SEC16B: variants seen among roughly 807,000 people sequenced by gnomAD.
SEC16B encodes the protein SEC16 homolog B, endoplasmic reticulum export factor, also known as protein transport protein Sec16B.
A neutral mutation model predicts 141.8 loss-of-function variants in SEC16B; 115 were observed. The observed-to-expected ratio is 0.81, with a 90% confidence interval of 0.70 to 0.95. The LOEUF (loss-of-function observed/expected upper bound fraction) is 0.95, where lower values mean the gene tolerates loss of function less well. Ranked by LOEUF, SEC16B falls within the 40% of genes least tolerant of loss-of-function variation. The probability of loss-of-function intolerance (pLI) is 0.00; values close to 1 mark genes in which losing one functional copy is unlikely to be tolerated. For missense variants in SEC16B, 1,291 were observed against 1,312.3 expected (o/e 0.98, Z 0.25); for synonymous variants, 493 against 492.5 (o/e 1.00, Z -0.01).
chr1:177,980,503 G>C (rs1654362392), intron 1 of SEC16B, among the ~76,000 whole-genome samples: 1 of 152,068 alleles, frequency 6.6e-6, no homozygotes, highest in Non-Finnish European at 1.5e-5. Flanking sequence ...AAACAGGTGG[G>C]AACCCAGGAG....
At chr1:177,937,969 A>T (rs920978599) in intron 18 of SEC16B, among the ~76,000 whole-genome samples, 1 of 152,144 alleles carries the variant, frequency 6.6e-6, no homozygotes, top group African/African-American at 2.4e-5. Flanking sequence ...ATAAGATACC[A>T]AACTATACAC....
chr1:177,948,676 A>G, intron 12 of SEC16B: 1 of 1,264,974 alleles, frequency 7.9e-7, no homozygotes, highest in Non-Finnish European at 1.0e-6. Context: ...GAAAATATCA[A>G]TAAAGAAACA....
chr1:177,929,941 G>A lies in SEC16B; in HGVS notation c.3112-12C>T. On this transcript the variant is annotated splice_polypyrimidine_tract_variant and intron_variant, in intron 25 of 25. Transcript: ENST00000308284. ...GTGGCCGTGGGCAGCTGGAAAAGAA[G>A]AACAAATATTACACTGAGTACAGCC... 6.2e-7 allele frequency: 1 copy of A among 1,613,256 alleles called. No individual in the cohort carries two copies. The highest frequency in any genetic ancestry group is 8.5e-7 in the Non-Finnish European group (1 of 1,179,598).
chr1:177,932,505 G>C lies in SEC16B; in HGVS notation c.2997C>G (p.Gly999=), dbSNP rs761617558. The change falls in exon 24 of 26, where the codon GGC becomes GGG. Residue 999 remains glycine (G), a synonymous_variant. Transcript: ENST00000308284. ...GGAAAGAGVG[G]LSGPESVSFE... is the part of the protein sequence containing the mutation. Reference sequence around the variant, plus strand: ...GGCCGCTTACCTCTGGTCCAGACAAGCCTCCAACCCCAGCGCCCGCAGCTG... The same window carrying C: ...GGCCGCTTACCTCTGGTCCAGACAACCCTCCAACCCCAGCGCCCGCAGCTG... 1 of 1,547,594 alleles carries C rather than the reference G, an allele frequency of 6.5e-7. No individual in the cohort carries two copies. Among genetic ancestry groups the C allele is most frequent in the Non-Finnish European group, 8.7e-7 (1 of 1,145,766 alleles).
intron 5 of SEC16B, among the ~76,000 whole-genome samples, chr1:177,962,247 T>C (rs1468357755): frequency 6.6e-6 from 1 of 151,956 alleles, no homozygotes; most frequent in Non-Finnish European, 1.5e-5. Flanking sequence ...GATTTTTGTA[T>C]TTTTAGTAGA....
chr1:177,933,995 C>CCA (rs1553231395), intron 20 of SEC16B, among the ~76,000 whole-genome samples: 6 of 144,594 alleles, frequency 4.1e-5, no homozygotes, highest in Non-Finnish European at 7.6e-5. Flanking sequence ...AAGCTCCCCC[C>CCA]AAAAAAAAAA....
At chr1:177,961,490 G>A in intron 6 of SEC16B, 100 bp downstream of exon 6, 1 of 1,315,430 alleles carries the variant, frequency 7.6e-7, no homozygotes, top group Non-Finnish European at 1.0e-6. Flanking sequence ...AGCAAATGAG[G>A]TGGACAATGA....
At position 177,932,768 on chromosome 1, in the gene SEC16B, C is replaced by T. The variant is rs373025396; in HGVS notation, c.2862G>A (p.Leu954=). 10 of 1,612,652 alleles carry T rather than the reference C, an allele frequency of 6.2e-6. No individual in the cohort carries two copies. The highest frequency in any genetic ancestry group is 8.5e-6 in the Non-Finnish European group (10 of 1,179,542). The change falls in exon 23 of 26, where the codon CTG becomes CTA. Residue 954 remains leucine (L), a synonymous_variant. Coordinates refer to ENST00000308284, the MANE Select transcript of SEC16B (RefSeq NM_033127.4). The part of the protein sequence containing the change: ...PRASSPHQAG[L]GLSLTPSPES... The stretch of plus-strand genomic sequence containing the variant: ...CAGGGGAAGGTGTCAGTGAGAGGCC[C>T]AGGCCAGCCTGGTGGGGAGAAGATG...
At chr1:177,965,220 G>C in intron 3 of SEC16B, 53 bp from the exon 4 acceptor site, 1 of 1,600,154 alleles carries the variant, frequency 6.2e-7, no homozygotes, top group Non-Finnish European at 8.5e-7. Flanking sequence ...GTTTCTGAAA[G>C]TTCTTAGAAA....
Position 177,930,537 on chromosome 1 carries a change from T to C in SEC16B, c.3111+8A>G. On this transcript the variant is annotated splice_region_variant and intron_variant, in intron 25 of 25. Transcript: ENST00000308284. Reference sequence around the variant, plus strand: ...CTGGCCAGCCCCTCCCCCTGAGGGCTTCCTTACCTGAGGCACCTGAGATGG... The same window carrying C: ...CTGGCCAGCCCCTCCCCCTGAGGGCCTCCTTACCTGAGGCACCTGAGATGG... The C allele has an allele frequency of 6.2e-7, 1 of 1,610,004 alleles. No homozygotes were observed. The highest frequency in any genetic ancestry group is 8.5e-7 in the Non-Finnish European group (1 of 1,176,818).
At chr1:177,950,286 G>A (rs1053069727) in intron 12 of SEC16B, among the ~76,000 whole-genome samples, 6 of 152,198 alleles carry the variant, frequency 3.9e-5, no homozygotes, top group East Asian at 1.9e-4. Flanking sequence ...TCCATGTCCC[G>A]GGAAGCCAAG....
intron 1 of SEC16B, among the ~76,000 whole-genome samples, chr1:177,983,409 G>A (rs979326800): frequency 6.6e-6 from 1 of 152,012 alleles, no homozygotes; most frequent in African/African-American, 2.4e-5. Flanking sequence ...CCCCCACATA[G>A]AGAGGTGACA....
chr1:177,960,105 T>C, intron 8 of SEC16B: 1 of 535,466 alleles, frequency 1.9e-6, no homozygotes, highest in Non-Finnish European at 3.4e-6. Context: ...ATGGAACTGG[T>C]TTTAGATTTC....
chr1:177,962,873 G>C (rs191368253), intron 5 of SEC16B, among the ~76,000 whole-genome samples: 1 of 151,714 alleles, frequency 6.6e-6, no homozygotes, highest in Non-Finnish European at 1.5e-5. Flanking sequence ...TTGGGAGGCC[G>C]ACGCAGGAGG....
intron 20 of SEC16B, 28 bp downstream of exon 20, chr1:177,936,270 T>C: frequency 6.3e-7 from 1 of 1,585,596 alleles, no homozygotes; most frequent in African/African-American, 1.3e-5. Context: ...GAGTGGGCAG[T>C]GGCATCTTTT....
At chr1:177,951,119 G>A (rs139279088) in intron 12 of SEC16B, among the ~76,000 whole-genome samples, 48 of 152,208 alleles carry the variant, frequency 3.2e-4, no homozygotes, top group African/African-American at 6.3e-4. Context: ...TAATTCATAC[G>A]TGTATATATA....
Position 177,932,506 on chromosome 1 carries a change from C to A in SEC16B, c.2996G>T (p.Gly999Val), listed in dbSNP as rs2101897118. ...GCCGCTTACCTCTGGTCCAGACAAGCCTCCAACCCCAGCGCCCGCAGCTGC... is the reference window on the plus strand; with the variant it reads ...GCCGCTTACCTCTGGTCCAGACAAGACTCCAACCCCAGCGCCCGCAGCTGC... ...GGAAAGAGVGGLSGPESVSFE... is the reference protein window; with the variant it reads ...GGAAAGAGVGVLSGPESVSFE... Residue 999 changes from glycine to valine, a missense_variant, in exon 24 of 26, where the codon GGC (glycine) becomes GTC (valine). Physicochemically the swap from Gly to Val is moderately radical, Grantham distance 109. This residue lies in a region of SEC16B where 605 missense variants were observed against 614.1 expected (regional missense o/e 0.99). Transcript: ENST00000308284. 1.3e-6 allele frequency: 2 copies of A among 1,548,006 alleles called. No homozygotes were observed.
Position 177,965,134 on chromosome 1 carries a change from T to C in SEC16B, c.446A>G (p.Glu149Gly), listed in dbSNP as rs1653413470. ...PRQRSPYIWH[E>G]DYREQKYLDE... Reference sequence around the variant, plus strand: ...AAGGTACTTTTGCTCTCGGTAATCTTCGTGCCAGATATAAGGACTCCGTTG... The same window carrying C: ...AAGGTACTTTTGCTCTCGGTAATCTCCGTGCCAGATATAAGGACTCCGTTG... Residue 149 changes from glutamate to glycine, a missense_variant, in exon 4 of 26, where the codon GAA (glutamate) becomes GGA (glycine). This residue lies in a region of SEC16B where 681 missense variants were observed against 675.5 expected (regional missense o/e 1.01). Coordinates refer to ENST00000308284, the MANE Select transcript of SEC16B (RefSeq NM_033127.4). 6.2e-7 allele frequency: 1 copy of C among 1,613,636 alleles called. No individual in the cohort carries two copies.
chr1:177,950,826 C>G (rs1343808047), intron 12 of SEC16B, among the ~76,000 whole-genome samples: 2 of 142,840 alleles, frequency 1.4e-5, no homozygotes, highest in Non-Finnish European at 3.0e-5. Flanking sequence ...GTAAGAGACA[C>G]CAGTGAAAAC....
Sources: allele counts gnomAD v4.1 joint callset (sites outside exome capture counted in the v4.1 genomes callset), GRCh38; gene constraint gnomAD v4.1.1; regional missense constraint gnomAD v4.1.1; transcripts MANE v1.5; gene names NCBI Gene and HGNC (gene_info 2026-07-23, HGNC 2026-07-21).